EYS: variants seen among roughly 807,000 people sequenced by gnomAD.
EYS encodes the protein EGF-like photoreceptor maintenance factor.
In EYS, 250 loss-of-function variants were observed where a neutral mutation model predicts 282.1. That is an observed-to-expected ratio of 0.89 (90% CI 0.80 to 0.98). The LOEUF (loss-of-function observed/expected upper bound fraction) is 0.98, where lower values mean the gene tolerates loss of function less well. Among genes scored for constraint, EYS ranks in the 50% least tolerant of loss-of-function variants. EYS has a pLI of 0.00. For missense variants in EYS, 4,016 were observed against 3,709.0 expected, an observed-to-expected ratio of 1.08 and a Z score of -2.15; for synonymous variants, 1,355 against 1,282.9, an observed-to-expected ratio of 1.06 and a Z score of -1.20.
At chr6:64,601,437 A>AT (rs60181342) in intron 24 of EYS, among the ~76,000 whole-genome samples, 85,241 of 151,642 alleles carry the variant, frequency 0.56, 24,039 homozygotes, top group South Asian at 0.65. Context: ...ATTTATTATC[A>AT]TTACTCTATT....
intron 15 of EYS, among the ~76,000 whole-genome samples, chr6:64,933,974 G>A (rs559047527): frequency 6.6e-6 from 1 of 151,942 alleles, no homozygotes; most frequent in Admixed American, 6.6e-5. Context: ...GGGCCTGTTG[G>A]GGGGTCAGGG....
chr6:65,059,225 C>T (rs2150158412), intron 12 of EYS, among the ~76,000 whole-genome samples: 1 of 151,368 alleles, frequency 6.6e-6, no homozygotes, highest in East Asian at 2.0e-4. Flanking sequence ...AAAAGTTTAA[C>T]CAGAAAAAAA....
At chr6:65,584,727 A>C (rs1043969720) in intron 2 of EYS, among the ~76,000 whole-genome samples, 2 of 151,806 alleles carry the variant, frequency 1.3e-5, no homozygotes, top group Non-Finnish European at 2.9e-5. Context: ...TTACGTTGCT[A>C]TATAATTATA....
intron 32 of EYS, among the ~76,000 whole-genome samples, chr6:64,069,308 A>G (rs1251167593): frequency 6.6e-6 from 1 of 152,086 alleles, no homozygotes; most frequent in Non-Finnish European, 1.5e-5. Flanking sequence ...AAATCATCAA[A>G]GTAAATAATT....
At chr6:65,556,415 G>GTGTGTGTGTGTGTGTGTA (rs1368535246) in intron 2 of EYS, among the ~76,000 whole-genome samples, 3 of 151,970 alleles carry the variant, frequency 2.0e-5, no homozygotes, top group Admixed American at 2.0e-4. Flanking sequence ...GTGTGTATGT[G>GTGTGTGTGTGTGTGTGTA]TGACTAAGAG....
At chr6:64,389,672 A>ATT (rs1463986455) in intron 28 of EYS, among the ~76,000 whole-genome samples, 1 of 152,230 alleles carries the variant, frequency 6.6e-6, no homozygotes, top group Non-Finnish European at 1.5e-5. Context: ...CCTTATAGAA[A>ATT]AAGTTGGTAG....
intron 2 of EYS, among the ~76,000 whole-genome samples, chr6:65,578,704 CAAAT>C: frequency 6.6e-6 from 1 of 151,842 alleles, no homozygotes; most frequent in East Asian, 1.9e-4. Flanking sequence ...TTGTATACCA[CAAAT>C]ATATACATAA....
chr6:63,978,272 T>TG (rs1324620850), intron 35 of EYS, among the ~76,000 whole-genome samples: 3 of 151,936 alleles, frequency 2.0e-5, no homozygotes, highest in African/African-American at 7.2e-5. Flanking sequence ...TGGTTAGCTT[T>TG]CCCCGCCACC....
At chr6:65,361,400 G>A (rs1336178290) in intron 8 of EYS, among the ~76,000 whole-genome samples, 3 of 150,652 alleles carry the variant, frequency 2.0e-5, no homozygotes, top group African/African-American at 7.3e-5. Context: ...ATATGTGAAT[G>A]ATCAATTTAA....
At chr6:65,064,578 T>A (rs1040351832) in intron 12 of EYS, among the ~76,000 whole-genome samples, 1 of 148,640 alleles carries the variant, frequency 6.7e-6, no homozygotes, top group Admixed American at 6.8e-5. Context: ...ATATATATAC[T>A]ATAAAAGTTA....
Position 64,388,753 on chromosome 6 carries a change from T to C in EYS, c.6015A>G (p.Lys2005=). The C allele has an allele frequency of 6.5e-7, 1 of 1,545,126 alleles. No individual in the cohort carries two copies. Among genetic ancestry groups the C allele is most frequent in the Non-Finnish European group, 8.7e-7 (1 of 1,143,846 alleles). ...AGACAGATCCTGATTTTGGCAGGGG[T>C]TTTCCGAGTACATGATTGATAGATT... ...ICESINHVLG[K]PLPKSGSVFI... Residue 2005 remains lysine (K), a synonymous_variant, in exon 29 of 43, where the codon AAA becomes AAG. Transcript: ENST00000503581.
chr6:64,032,681 T>C (rs1052388017), intron 33 of EYS, among the ~76,000 whole-genome samples: 4 of 152,184 alleles, frequency 2.6e-5, no homozygotes, highest in African/African-American at 9.7e-5. Context: ...CAGCCCACCC[T>C]TGATTTTAAT....
intron 12 of EYS, among the ~76,000 whole-genome samples, chr6:65,144,746 T>TATTTTACCC (rs1764434639): frequency 6.6e-6 from 1 of 151,816 alleles, no homozygotes; most frequent in African/African-American, 2.4e-5. Context: ...AGAACAGAGT[T>TATTTTACCC]ATTTTACCCA....
chr6:65,134,429 AGATCATGTCCTTTGCAGGGACATG>A (rs1376302912), intron 12 of EYS, among the ~76,000 whole-genome samples: 7 of 152,100 alleles, frequency 4.6e-5, no homozygotes, highest in African/African-American at 1.7e-4. Context: ...AAAAATAATG[AGATCATGTCCTTTGCAGGGACATG>A]GATACAGCTG....
intron 2 of EYS, among the ~76,000 whole-genome samples, chr6:65,582,304 T>C (rs146747386): frequency 1.6e-3 from 248 of 152,248 alleles, no homozygotes; most frequent in African/African-American, 5.7e-3. Flanking sequence ...ATTTCATTTA[T>C]AGGGAATACT....
At chr6:63,726,740 C>A in intron 41 of EYS, 60 bp from the exon 42 acceptor site, 1 of 1,409,230 alleles carries the variant, frequency 7.1e-7, no homozygotes, top group South Asian at 1.3e-5. Flanking sequence ...AAACATTGCT[C>A]ATAAATACAA....
intron 9 of EYS, among the ~76,000 whole-genome samples, chr6:65,352,517 A>AT (rs1266134583): frequency 2.6e-5 from 4 of 151,962 alleles, no homozygotes; most frequent in Admixed American, 2.0e-4. Context: ...ACTCTATAAT[A>AT]TAAACAAAAA....
chr6:64,970,916 C>T (rs537120536), intron 14 of EYS, among the ~76,000 whole-genome samples: 2 of 152,144 alleles, frequency 1.3e-5, no homozygotes, highest in African/African-American at 4.8e-5. Context: ...GCAGCTACAT[C>T]AGCAGATGTG....
At chr6:65,349,733 C>A (rs1770529571) in intron 9 of EYS, among the ~76,000 whole-genome samples, 1 of 151,236 alleles carries the variant, frequency 6.6e-6, no homozygotes, top group South Asian at 2.1e-4. Context: ...TCAGAATACT[C>A]AAATACTGTA....
Sources: gnomAD v4.1 joint callset for allele counts (sites outside exome capture counted in the v4.1 genomes callset) on GRCh38, gnomAD v4.1.1 for gene constraint, MANE v1.5 for transcripts, NCBI Gene and HGNC (gene_info 2026-07-23, HGNC 2026-07-21) for gene names.